The following LAMA2 variants were observed in gnomAD, a reference collection of about 807,000 sequenced individuals.
The protein encoded by LAMA2 is laminin subunit alpha-2.
LAMA2 carries 269 observed loss-of-function variants against 364.8 expected under a neutral mutation model. That is an observed-to-expected ratio of 0.74 (90% CI 0.67 to 0.82). The LOEUF is 0.82. Among genes scored for constraint, LAMA2 ranks in the 40% least tolerant of loss-of-function variants. LAMA2 has a pLI of 0.00. For synonymous variants in LAMA2, 1,379 were observed against 1,370.6 expected, an observed-to-expected ratio of 1.01 and a Z score of -0.14; for missense variants, 3,807 against 3,873.2, an observed-to-expected ratio of 0.98 and a Z score of 0.45.
chr6:129,150,609 C>T (rs1281403415), intron 7 of LAMA2, among the ~76,000 whole-genome samples: 5 of 152,190 alleles, frequency 3.3e-5, no homozygotes, highest in African/African-American at 1.2e-4. Context: ...CAAGACATTT[C>T]AAACTGCTAC....
intron 48 of LAMA2, among the ~76,000 whole-genome samples, chr6:129,457,667 TACA>T (rs973241275): frequency 6.6e-6 from 1 of 152,156 alleles, no homozygotes; most frequent in Non-Finnish European, 1.5e-5. Flanking sequence ...GTTTAATTTT[TACA>T]ACAACCCCAA....
chr6:129,419,955 G>A (rs1780991048), intron 40 of LAMA2, among the ~76,000 whole-genome samples: 1 of 151,984 alleles, frequency 6.6e-6, no homozygotes, highest in Non-Finnish European at 1.5e-5. Flanking sequence ...AAAAATTGAT[G>A]CATGGTGATT....
chr6:129,082,982 T>C (rs546531714), intron 3 of LAMA2, among the ~76,000 whole-genome samples: 2 of 152,200 alleles, frequency 1.3e-5, no homozygotes, highest in Non-Finnish European at 2.9e-5. Flanking sequence ...ATTTTTTCTA[T>C]AAAGTTTTCA....
At chr6:129,326,892 C>T (rs1775338517) in intron 28 of LAMA2, among the ~76,000 whole-genome samples, 1 of 149,964 alleles carries the variant, frequency 6.7e-6, no homozygotes, top group South Asian at 2.1e-4. Context: ...ACACTATGAA[C>T]CACTTTTAAA....
chr6:129,478,201 T>A (rs1784172789), intron 53 of LAMA2, among the ~76,000 whole-genome samples: 1 of 152,208 alleles, frequency 6.6e-6, no homozygotes, highest in African/African-American at 2.4e-5. Flanking sequence ...AATATTATCT[T>A]ATTTTTTAGC....
intron 60 of LAMA2, among the ~76,000 whole-genome samples, chr6:129,504,444 T>C (rs1785896896): frequency 6.6e-6 from 1 of 152,222 alleles, no homozygotes; most frequent in Non-Finnish European, 1.5e-5. Context: ...CCAGAATAGA[T>C]ATGTGTAAAA....
chr6:128,893,475 T>A, intron 1 of LAMA2, among the ~76,000 whole-genome samples: 1 of 150,776 alleles, frequency 6.6e-6, no homozygotes, highest in East Asian at 1.9e-4. Context: ...GTTCTCCTGT[T>A]TTCAAGGACC....
chr6:129,408,558 GAATA>G (rs1414158390), intron 40 of LAMA2, among the ~76,000 whole-genome samples: 5 of 152,178 alleles, frequency 3.3e-5, no homozygotes, highest in Admixed American at 6.5e-5. Context: ...TCCATATCCA[GAATA>G]AGTGCCTATT....
rs137898940 is a variant in LAMA2 at position 129,255,458 on chromosome 6, A to C, written c.2096+3163A>C. 2.0e-3 allele frequency among the ~76,000 whole-genome samples: 293 copies of C among 147,968 alleles called. 6 individuals are homozygous for C. In the East Asian group the frequency reaches 0.043, roughly 22 times the overall value. ...AAAGCCTGGAATACTGATTTAGCAC[A>C]CAGAGGTCAGCTGCCCTAACAGTCA... On this transcript the variant is annotated intron_variant, in intron 14 of 64. Coordinates refer to ENST00000421865, the MANE Select transcript of LAMA2 (RefSeq NM_000426.4).
intron 28 of LAMA2, among the ~76,000 whole-genome samples, chr6:129,321,254 A>G (rs1210013784): frequency 2.0e-5 from 3 of 152,266 alleles, no homozygotes; most frequent in East Asian, 1.9e-4. Flanking sequence ...TCTAATTTCT[A>G]TAATTGTGAA....
At chr6:129,014,114 G>A (rs9492191) in intron 1 of LAMA2, among the ~76,000 whole-genome samples, 26,559 of 152,116 alleles carry the variant, frequency 0.17, 2,783 homozygotes, top group African/African-American at 0.29. Flanking sequence ...TAGATCGGGA[G>A]GGGTGCAAGA....
chr6:129,378,288 G>A (rs1444072284), intron 34 of LAMA2, among the ~76,000 whole-genome samples: 1 of 152,190 alleles, frequency 6.6e-6, no homozygotes, highest in Admixed American at 6.5e-5. Flanking sequence ...GAATCAGACA[G>A]ATAGTTCCTA....
chr6:129,400,104 G>T (rs1779884622), intron 37 of LAMA2, among the ~76,000 whole-genome samples: 1 of 152,158 alleles, frequency 6.6e-6, no homozygotes, highest in Admixed American at 6.5e-5. Context: ...TCTGATGAGG[G>T]ACCACTTTCT....
chr6:129,170,832 G>GTC (rs1372085464), intron 9 of LAMA2, among the ~76,000 whole-genome samples: 2 of 149,350 alleles, frequency 1.3e-5, no homozygotes, highest in African/African-American at 2.5e-5. Context: ...GGTCACTCAG[G>GTC]ACTTGCTTTA....
chr6:129,505,502 G>A (rs1785986575), intron 61 of LAMA2, 147 bp downstream of exon 61: 9 of 694,174 alleles, frequency 1.3e-5, no homozygotes, highest in Non-Finnish European at 1.8e-5. Context: ...AGGGTTTGTT[G>A]TTTATTTGTT....
intron 1 of LAMA2, among the ~76,000 whole-genome samples, chr6:128,900,783 C>T (rs1178109250): frequency 1.3e-5 from 2 of 152,152 alleles, no homozygotes; most frequent in Non-Finnish European, 2.9e-5. Context: ...TTTACTTTTT[C>T]CAAATCAATC....
intron 1 of LAMA2, among the ~76,000 whole-genome samples, chr6:128,904,982 C>A (rs181208869): frequency 1.6e-3 from 237 of 152,258 alleles, no homozygotes; most frequent in African/African-American, 5.4e-3. Context: ...CAATTTTAAT[C>A]AATGGAGAAA....
At chr6:129,426,522 A>G (rs1417749255) in intron 40 of LAMA2, among the ~76,000 whole-genome samples, 1 of 151,976 alleles carries the variant, frequency 6.6e-6, no homozygotes, top group Admixed American at 6.6e-5. Flanking sequence ...TCTAATTCCC[A>G]AGAGAACTGT....
chr6:129,140,665 G>A (rs887304681), intron 4 of LAMA2, among the ~76,000 whole-genome samples: 1 of 151,888 alleles, frequency 6.6e-6, no homozygotes, highest in African/African-American at 2.4e-5. Flanking sequence ...GCTATCCAGT[G>A]GACTTGGAAT....
Sources: allele counts gnomAD v4.1 joint callset (sites outside exome capture counted in the v4.1 genomes callset), GRCh38; gene constraint gnomAD v4.1.1; transcripts MANE v1.5; gene names NCBI Gene and HGNC (gene_info 2026-07-23, HGNC 2026-07-21).